The following ASIC2 variants were observed in gnomAD, a reference collection of about 807,000 sequenced individuals.
The protein encoded by ASIC2 is acid sensing ion channel subunit 2.
In ASIC2, 25 loss-of-function variants were observed where a neutral mutation model predicts 57.3. That is an observed-to-expected ratio of 0.44 (90% CI 0.32 to 0.61). The LOEUF (loss-of-function observed/expected upper bound fraction) is 0.61. Ranked by LOEUF, ASIC2 falls within the 20% of genes least tolerant of loss-of-function variation. The probability of loss-of-function intolerance (pLI) is 0.06; values close to 1 mark genes in which losing one functional copy is unlikely to be tolerated. For synonymous variants in ASIC2, 319 were observed against 307.5 expected, an observed-to-expected ratio of 1.04 and a Z score of -0.39; for missense variants, 641 against 738.1, an observed-to-expected ratio of 0.87 and a Z score of 1.52.
At chr17:33,627,675 A>G (rs780747947) in intron 1 of ASIC2, among the ~76,000 whole-genome samples, 4 of 152,236 alleles carry the variant, frequency 2.6e-5, no homozygotes, top group Non-Finnish European at 5.9e-5. Flanking sequence ...ACACAAGCCA[A>G]TTAGCTGTCT....
chr17:34,097,598 A>C (rs1910593509), intron 1 of ASIC2, among the ~76,000 whole-genome samples: 1 of 152,224 alleles, frequency 6.6e-6, no homozygotes, highest in South Asian at 2.1e-4. Context: ...GGTCATGTGA[A>C]GACAAGGCAG....
chr17:33,740,042 G>GA, intron 1 of ASIC2, among the ~76,000 whole-genome samples: 1 of 152,070 alleles, frequency 6.6e-6, no homozygotes, highest in Non-Finnish European at 1.5e-5. Context: ...AAAAAGAACA[G>GA]AGGGAGAGTC....
At chr17:33,697,397 A>G (rs1597839335) in intron 1 of ASIC2, among the ~76,000 whole-genome samples, 1 of 152,210 alleles carries the variant, frequency 6.6e-6, no homozygotes. Context: ...TGACAGAGGC[A>G]GGAGAAAATC....
intron 1 of ASIC2, among the ~76,000 whole-genome samples, chr17:33,159,988 CG>C (rs921067684): frequency 2.7e-4 from 41 of 151,946 alleles, no homozygotes; most frequent in African/African-American, 8.7e-4. Context: ...GTGGGAGGAT[CG>C]CGTGAGCTCA....
intron 1 of ASIC2, among the ~76,000 whole-genome samples, chr17:33,726,282 G>T (rs1396322930): frequency 6.6e-6 from 1 of 152,128 alleles, no homozygotes; most frequent in Non-Finnish European, 1.5e-5. Flanking sequence ...TCCAGCCCCA[G>T]TTGCCATCTG....
At chr17:33,403,846 G>A (rs563138319) in intron 1 of ASIC2, among the ~76,000 whole-genome samples, 4 of 152,324 alleles carry the variant, frequency 2.6e-5, no homozygotes, top group African/African-American at 9.6e-5. Context: ...TCCAGAGAGA[G>A]GAAATGACTT....
At chr17:33,917,773 G>A (rs1353056649) in intron 1 of ASIC2, among the ~76,000 whole-genome samples, 2 of 152,116 alleles carry the variant, frequency 1.3e-5, no homozygotes, top group African/African-American at 4.8e-5. Flanking sequence ...TAGGCATTGT[G>A]AGGAAGACAA....
intron 1 of ASIC2, among the ~76,000 whole-genome samples, chr17:33,154,318 A>T (rs1324116896): frequency 6.6e-6 from 1 of 152,208 alleles, no homozygotes; most frequent in African/African-American, 2.4e-5. Context: ...GAGTAGCTGG[A>T]ACTATAGACA....
At chr17:34,131,969 G>A (rs1019676461) in intron 1 of ASIC2, among the ~76,000 whole-genome samples, 20 of 152,082 alleles carry the variant, frequency 1.3e-4, no homozygotes, top group African/African-American at 4.8e-4. Context: ...GGGACATTTT[G>A]GAAACTTTTG....
At chr17:33,301,620 G>A (rs1394729126) in intron 1 of ASIC2, among the ~76,000 whole-genome samples, 2 of 152,156 alleles carry the variant, frequency 1.3e-5, no homozygotes, top group Non-Finnish European at 2.9e-5. Flanking sequence ...TGTGGTCCTT[G>A]CTTTAGCTCT....
intron 1 of ASIC2, among the ~76,000 whole-genome samples, chr17:33,716,639 T>C (rs555943816): frequency 4.6e-5 from 7 of 152,218 alleles, no homozygotes; most frequent in Non-Finnish European, 1.0e-4. Context: ...TCTCCTGCCC[T>C]CGACACACAC....
chr17:34,011,007 C>CACACACACACACACACAG (rs1906705438), intron 1 of ASIC2, among the ~76,000 whole-genome samples: 5 of 1,342 alleles, frequency 3.7e-3, no homozygotes, highest in African/African-American at 2.5e-3. Flanking sequence ...GACACACACA[C>CACACACACACACACACAG]ACACAGATGC....
At chr17:33,468,992 C>A (rs530603928) in intron 1 of ASIC2, among the ~76,000 whole-genome samples, 13 of 152,138 alleles carry the variant, frequency 8.5e-5, no homozygotes, top group African/African-American at 3.1e-4. Flanking sequence ...GGGTAGTTTA[C>A]GGAAAGAGCC....
intron 2 of ASIC2, among the ~76,000 whole-genome samples, chr17:33,102,845 A>G (rs755005633): frequency 5.9e-5 from 9 of 152,110 alleles, no homozygotes; most frequent in Admixed American, 2.0e-4. Flanking sequence ...GTGCAATGGC[A>G]TGATCTCGGC....
rs554777710 is a variant in ASIC2, at chr17:33,663,672, A to G, written c.555+492306T>C. On this transcript the variant is annotated intron_variant, in intron 1 of 9. Transcript: ENST00000359872. ...CCATGTGGTAGGGGAACTAATTTAT[A>G]ATTTAATGCAGCAGTGGGGGTATGG... is the stretch of plus-strand genomic sequence containing the variant. Among the ~76,000 whole-genome samples the G allele has an allele frequency of 9.9e-5, 15 of 152,258 alleles. 1 individual carries two copies. In the South Asian group the frequency reaches 2.7e-3, roughly 27 times the overall value.
intron 1 of ASIC2, among the ~76,000 whole-genome samples, chr17:33,191,947 G>T (rs577563595): frequency 6.6e-6 from 1 of 152,230 alleles, no homozygotes; most frequent in African/African-American, 2.4e-5. Context: ...GAGGGTGCTT[G>T]GATGTTGCAG....
chr17:33,896,881 C>T (rs1381471144), intron 1 of ASIC2, among the ~76,000 whole-genome samples: 1 of 152,232 alleles, frequency 6.6e-6, no homozygotes, highest in African/African-American at 2.4e-5. Context: ...GGTTGCACAA[C>T]ATGGTGGCCC....
At chr17:34,042,573 G>A (rs1286838961) in intron 1 of ASIC2, among the ~76,000 whole-genome samples, 2 of 151,968 alleles carry the variant, frequency 1.3e-5, no homozygotes, top group Non-Finnish European at 2.9e-5. Context: ...AAGGACAGGA[G>A]GGAGGAATGA....
At chr17:34,111,486 C>T (rs1036259215) in intron 1 of ASIC2, among the ~76,000 whole-genome samples, 1 of 152,002 alleles carries the variant, frequency 6.6e-6, no homozygotes, top group Admixed American at 6.6e-5. Context: ...TGCACTCTGA[C>T]ATTCTACTTA....
Sources: gnomAD v4.1 joint callset for allele counts (sites outside exome capture counted in the v4.1 genomes callset) on GRCh38, gnomAD v4.1.1 for gene constraint, MANE v1.5 for transcripts, NCBI Gene and HGNC (gene_info 2026-07-23, HGNC 2026-07-21) for gene names.